CACNA2D4: variants seen among roughly 807,000 people sequenced by gnomAD.
CACNA2D4 encodes voltage-dependent calcium channel subunit alpha-2/delta-4.
Under a neutral mutation model 163.8 loss-of-function variants are expected in CACNA2D4, and 157 were observed. That is an observed-to-expected ratio of 0.96 (90% CI 0.84 to 1.09). The LOEUF is 1.09. Among genes scored for constraint, CACNA2D4 ranks in the 50% least tolerant of loss-of-function variants. The pLI is 0.00. For synonymous variants in CACNA2D4, 598 were observed against 586.9 expected (o/e 1.02, Z -0.27); for missense variants, 1,410 against 1,479.9 (o/e 0.95, Z 0.78).
intron 24 of CACNA2D4, 44 bp downstream of exon 24, chr12:1,846,541 GGCCCTCTCT>G: frequency 7.1e-7 from 1 of 1,414,888 alleles, no homozygotes. Context: ...ATGGGACTCT[GGCCCTCTCT>G]GCCCTGCAGG....
At chr12:1,801,226 C>T (rs963930078) in intron 30 of CACNA2D4, 108 bp from the exon 31 acceptor site, 22 of 876,842 alleles carry the variant, frequency 2.5e-5, no homozygotes, top group African/African-American at 2.5e-4. Flanking sequence ...TTCCCAAGGG[C>T]GCCTGAGCTA....
At chr12:1,801,813 CCT>C (rs1474743418) in intron 29 of CACNA2D4, among the ~76,000 whole-genome samples, 169 bp from the exon 30 acceptor site, 2 of 152,166 alleles carry the variant, frequency 1.3e-5, no homozygotes, top group African/African-American at 4.8e-5. Flanking sequence ...CACCCACGCC[CCT>C]GTCCGGTCCT....
intron 3 of CACNA2D4, among the ~76,000 whole-genome samples, chr12:1,912,487 C>T (rs183064318): frequency 1.3e-5 from 2 of 152,336 alleles, no homozygotes; most frequent in Admixed American, 6.5e-5. Context: ...ACCTCTGCTG[C>T]CCGGGTGGCC....
In CACNA2D4 at chr12:1,793,623, C is replaced by A; in HGVS notation, c.*32G>T. The stretch of plus-strand genomic sequence containing the variant: ...TTTTGGGATGGCTCTGGAAGGATCA[C>A]CTTGCCAAAACACAGGTCAGGCTGG... On this transcript the variant is annotated 3_prime_UTR_variant, in exon 38 of 38. Transcript: ENST00000382722. 6.3e-7 allele frequency: 1 copy of A among 1,590,278 alleles called. No individual in the cohort carries two copies. The highest frequency in any genetic ancestry group is 8.6e-7 in the Non-Finnish European group (1 of 1,158,436).
chr12:1,854,058 A>C lies in CACNA2D4; in HGVS notation c.2153-14T>G. Reference sequence around the variant, plus strand: ...GCTCCTCGTCACCTGGGTGCAAAACATCAGGGAACCAGGCCACATGCTTCC... The same window carrying C: ...GCTCCTCGTCACCTGGGTGCAAAACCTCAGGGAACCAGGCCACATGCTTCC... On this transcript the variant is annotated splice_polypyrimidine_tract_variant and intron_variant, in intron 22 of 37. Transcript: ENST00000382722. The C allele has an allele frequency of 6.3e-7, 1 of 1,595,806 alleles. No individual in the cohort carries two copies. Among genetic ancestry groups the C allele is most frequent in the East Asian group, 2.3e-5 (1 of 44,402 alleles).
In CACNA2D4 at chr12:1,915,096, GA is replaced by G. The variant is rs1268599744; in HGVS notation, c.228-162del. 1.1e-5 allele frequency: 8 copies of G among 711,342 alleles called. No individual in the cohort carries two copies. The African/African-American group carries it at 1.4e-4, about 12-fold the overall frequency. 44.1% of individuals were successfully genotyped at this position (711,342 alleles called of 1,614,324 possible). ...CAACACACAGACACATAATGCATAAGAAATGCACACACACGTACACACACAT... is the reference window on the plus strand; with the variant it reads ...CAACACACAGACACATAATGCATAAGAATGCACACACACGTACACACACAT... On this transcript the variant is annotated intron_variant, in intron 1 of 37. Transcript: ENST00000382722.
rs1865857412 is a variant in CACNA2D4 at position 1,875,245 on chromosome 12, A to G, written c.1806+6T>C. On this transcript the variant is annotated splice_donor_region_variant and intron_variant, in intron 17 of 37. Coordinates refer to ENST00000382722, the MANE Select transcript of CACNA2D4 (RefSeq NM_172364.5). The surrounding 1 kb of genome is among the most constrained non-coding windows in gnomAD (Gnocchi z 4.0). ...AGCTTCCCTTCCCCCTATTTTCCCCACTCACAGATTCAGCCTGGTCTTCCC... is the reference window on the plus strand; with the variant it reads ...AGCTTCCCTTCCCCCTATTTTCCCCGCTCACAGATTCAGCCTGGTCTTCCC... 2 of 1,602,432 alleles carry G rather than the reference A, an allele frequency of 1.2e-6. No individual in the cohort carries two copies. The highest frequency in any genetic ancestry group is 2.2e-5 in the South Asian group (2 of 90,842).
intron 25 of CACNA2D4, among the ~76,000 whole-genome samples, chr12:1,842,221 C>T (rs886306170): frequency 8.5e-5 from 13 of 152,268 alleles, no homozygotes; most frequent in Non-Finnish European, 1.0e-4. Context: ...CAGAAGGGGG[C>T]GGGGCCCAGG....
chr12:1,847,884 G>A (rs1865185135), intron 23 of CACNA2D4, among the ~76,000 whole-genome samples: 1 of 151,858 alleles, frequency 6.6e-6, no homozygotes, highest in African/African-American at 2.4e-5. Flanking sequence ...AAACTTCGAT[G>A]CCATTATTAC....
chr12:1,902,039 C>T (rs1866550129), intron 6 of CACNA2D4, among the ~76,000 whole-genome samples: 1 of 151,906 alleles, frequency 6.6e-6, no homozygotes, highest in African/African-American at 2.4e-5. Context: ...GGATTTATTC[C>T]ATGCAAAGAT....
intron 23 of CACNA2D4, among the ~76,000 whole-genome samples, chr12:1,852,303 G>C (rs530184750): frequency 9.9e-4 from 151 of 152,292 alleles, no homozygotes; most frequent in Middle Eastern, 3.4e-3. Flanking sequence ...TTTAGTGAGA[G>C]AGCCTCTAGC....
At chr12:1,818,012 C>T (rs1863939224) in intron 26 of CACNA2D4, among the ~76,000 whole-genome samples, 1 of 151,422 alleles carries the variant, frequency 6.6e-6, no homozygotes, top group Admixed American at 6.6e-5. Context: ...CGCCTCTGCC[C>T]GGCCGCCATC....
intron 29 of CACNA2D4, chr12:1,809,251 C>G: frequency 2.0e-6 from 1 of 495,712 alleles, no homozygotes; most frequent in South Asian, 2.8e-5. Flanking sequence ...ACAGCCCTAC[C>G]ATGCGTGGAG....
intron 26 of CACNA2D4, among the ~76,000 whole-genome samples, chr12:1,832,149 T>C (rs1337005964): frequency 6.6e-6 from 1 of 152,210 alleles, no homozygotes; most frequent in Non-Finnish European, 1.5e-5. Flanking sequence ...TAATGACCTA[T>C]GACATGATCA....
chr12:1,827,122 C>G (rs1864367786), intron 26 of CACNA2D4, among the ~76,000 whole-genome samples: 1 of 152,160 alleles, frequency 6.6e-6, no homozygotes, highest in Non-Finnish European at 1.5e-5. Flanking sequence ...GGCATCCTCC[C>G]TCCCTCCCTG....
intron 25 of CACNA2D4, among the ~76,000 whole-genome samples, chr12:1,841,816 CA>C (rs1865030668): frequency 6.6e-6 from 1 of 152,322 alleles, no homozygotes; most frequent in South Asian, 2.1e-4. Flanking sequence ...TCTGCCACGT[CA>C]CCAAGATTAC....
chr12:1,851,050 T>G (rs1865268049), intron 23 of CACNA2D4, among the ~76,000 whole-genome samples: 1 of 152,120 alleles, frequency 6.6e-6, no homozygotes, highest in African/African-American at 2.4e-5. Context: ...GGCTAAGTTA[T>G]TATTATTTTT....
chr12:1,903,224 T>C (rs1384515588), intron 6 of CACNA2D4, among the ~76,000 whole-genome samples: 4 of 152,040 alleles, frequency 2.6e-5, no homozygotes, highest in Admixed American at 2.0e-4. Context: ...TCAAAGTGGA[T>C]TACATACTTA....
At chr12:1,819,157 A>G (rs1240208214) in intron 26 of CACNA2D4, among the ~76,000 whole-genome samples, 1 of 152,090 alleles carries the variant, frequency 6.6e-6, no homozygotes, top group Admixed American at 6.5e-5. Context: ...GCGTTTAAGG[A>G]AGGGGGAAGC....
Sources: allele counts gnomAD v4.1 joint callset (sites outside exome capture counted in the v4.1 genomes callset), GRCh38; gene constraint gnomAD v4.1.1; non-coding constraint Gnocchi (gnomAD v3.1); transcripts MANE v1.5; gene names NCBI Gene and HGNC (gene_info 2026-07-23, HGNC 2026-07-21).